The following CHD2 variants were observed in gnomAD, a reference collection of about 807,000 sequenced individuals.
CHD2 encodes the protein ATP-dependent chromatin remodeler CHD2.
CHD2 carries 28 observed loss-of-function variants against 243.9 expected under a neutral mutation model. That is an observed-to-expected ratio of 0.11 (90% CI 0.09 to 0.16). The LOEUF (loss-of-function observed/expected upper bound fraction) is 0.16, where lower values mean the gene tolerates loss of function less well. Ranked by LOEUF, CHD2 falls within the 10% of genes least tolerant of loss-of-function variation. The pLI is 1.00. For missense variants in CHD2, 1,386 were observed against 2,209.8 expected (o/e 0.63, Z 7.47); for synonymous variants, 775 against 779.0 (o/e 0.99, Z 0.09).
chr15:92,974,960 G>A lies in CHD2; in HGVS notation c.2577+10G>A. The A allele has an allele frequency of 6.2e-7, 1 of 1,611,752 alleles. No homozygotes were observed. The highest frequency in any genetic ancestry group is 1.7e-5 in the Admixed American group (1 of 59,870). On this transcript the variant is annotated intron_variant, in intron 20 of 38. Coordinates refer to ENST00000394196, the MANE Select transcript of CHD2 (RefSeq NM_001271.4). Reference sequence around the variant, plus strand: ...TGCAGATGGGTCTGAGGTATACTATGCATGGCTTTGTTATTTGAGCAACTT... The same window carrying A: ...TGCAGATGGGTCTGAGGTATACTATACATGGCTTTGTTATTTGAGCAACTT...
At chr15:92,945,432 C>T (rs1482925095) in intron 10 of CHD2, 1 of 137,398 alleles carries the variant, frequency 7.3e-6, no homozygotes, top group Non-Finnish European at 1.5e-5. Flanking sequence ...TGCTCTGTTG[C>T]CCAGGCTGGA....
At chr15:93,005,120 G>A (rs546599201) in intron 34 of CHD2, among the ~76,000 whole-genome samples, 6 of 152,296 alleles carry the variant, frequency 3.9e-5, no homozygotes, top group Admixed American at 1.3e-4. Flanking sequence ...TTCTATCATC[G>A]TAAACTGTAC....
intron 28 of CHD2, among the ~76,000 whole-genome samples, chr15:92,996,684 A>G (rs1332622666): frequency 6.6e-6 from 1 of 152,222 alleles, no homozygotes; most frequent in Non-Finnish European, 1.5e-5. Context: ...TCATTTGGAA[A>G]CAAAGTAGTA....
At chr15:92,952,841 C>T (rs1162327048) in intron 13 of CHD2, among the ~76,000 whole-genome samples, 1 of 152,186 alleles carries the variant, frequency 6.6e-6, no homozygotes, top group East Asian at 1.9e-4. Flanking sequence ...CTGTAGCCTA[C>T]CCCTGCTTTA....
At position 93,026,821 on chromosome 15, in the gene CHD2, G is replaced by C. The variant is rs1414391111; in HGVS notation, c.*2116G>C. The C allele has an allele frequency of 6.6e-6, 1 of 152,460 alleles. No individual in the cohort carries two copies. The highest frequency in any genetic ancestry group is 2.4e-5 in the African/African-American group (1 of 41,460). The allele number at this position is 152,460 out of a possible 1,614,324, so 9.4% of individuals were successfully genotyped here. ...GGGAGATGGGGTGGGAAGGAGGTGA[G>C]CCCCTGCAGAGAGTTGGGTAGTGTC... On this transcript the variant is annotated 3_prime_UTR_variant, in exon 39 of 39. Coordinates refer to ENST00000394196, the MANE Select transcript of CHD2 (RefSeq NM_001271.4).
At chr15:93,006,067 A>C (rs2054316794) in intron 34 of CHD2, among the ~76,000 whole-genome samples, 1 of 151,868 alleles carries the variant, frequency 6.6e-6, no homozygotes. Flanking sequence ...CAAAATATAA[A>C]GCTGAATCCC....
intron 27 of CHD2, among the ~76,000 whole-genome samples, chr15:92,992,167 A>G (rs2054128127): frequency 6.6e-6 from 1 of 152,206 alleles, no homozygotes; most frequent in Non-Finnish European, 1.5e-5. Flanking sequence ...TGAGTGGGTG[A>G]AAATTACAAG....
intron 20 of CHD2, among the ~76,000 whole-genome samples, chr15:92,976,944 T>C (rs1248927187): frequency 4.6e-5 from 7 of 151,944 alleles, no homozygotes; most frequent in Non-Finnish European, 8.8e-5. Flanking sequence ...ATTTTTCTTA[T>C]GCTTGTACCA....
intron 5 of CHD2, among the ~76,000 whole-genome samples, chr15:92,937,060 C>T (rs1169499943): frequency 2.0e-5 from 3 of 152,076 alleles, no homozygotes; most frequent in African/African-American, 7.2e-5. Context: ...GGAGAGGTGT[C>T]TTGTATTGCT....
intron 8 of CHD2, 81 bp from the exon 9 acceptor site, chr15:92,942,762 T>G: frequency 9.0e-7 from 1 of 1,109,886 alleles, no homozygotes; most frequent in East Asian, 2.5e-5. Context: ...AAAGGGAGTC[T>G]TCAGATAATT....
At chr15:93,008,220 G>C (rs2054346545) in intron 34 of CHD2, among the ~76,000 whole-genome samples, 1 of 152,182 alleles carries the variant, frequency 6.6e-6, no homozygotes, top group South Asian at 2.1e-4. Flanking sequence ...CTGGGTGTGG[G>C]TCATCCTGTG....
intron 34 of CHD2, 73 bp downstream of exon 34, chr15:93,004,824 C>T (rs2054299803): frequency 6.7e-7 from 1 of 1,488,386 alleles, no homozygotes; most frequent in Non-Finnish European, 9.1e-7. Context: ...TTTATAGGTC[C>T]AGCCAGAGCT....
chr15:92,965,060 C>T (rs529964254), intron 16 of CHD2, among the ~76,000 whole-genome samples: 4 of 152,190 alleles, frequency 2.6e-5, no homozygotes, highest in African/African-American at 9.6e-5. Flanking sequence ...CCGTGTTCTG[C>T]AAAGCTATAA....
chr15:92,902,216 TG>T (rs989719302), intron 2 of CHD2: 25 of 397,812 alleles, frequency 6.3e-5, no homozygotes, highest in Admixed American at 4.0e-4. Flanking sequence ...AAAAATGTAC[TG>T]TTTGTGCAAA....
chr15:92,939,059 C>G (rs887771829), intron 6 of CHD2, among the ~76,000 whole-genome samples: 1 of 129,152 alleles, frequency 7.7e-6, no homozygotes, highest in Non-Finnish European at 1.7e-5. Flanking sequence ...TTTTTTTTTT[C>G]TATGAGTACA....
intron 2 of CHD2, chr15:92,902,254 G>A (rs2052539098): frequency 2.5e-6 from 1 of 397,682 alleles, no homozygotes; most frequent in South Asian, 1.3e-4. Context: ...ATTCCTTGGA[G>A]TACCTTGTTA....
At chr15:92,904,551 T>G in intron 2 of CHD2, 2 of 1,006,162 alleles carry the variant, frequency 2.0e-6, no homozygotes, top group Non-Finnish European at 2.4e-6. Context: ...CCTGGACGCG[T>G]TTGCTCCTGG....
intron 2 of CHD2, among the ~76,000 whole-genome samples, chr15:92,913,302 CT>C (rs2052774983): frequency 6.6e-6 from 1 of 152,178 alleles, no homozygotes. Flanking sequence ...GTTTCTTCAT[CT>C]TTTAAAATAG....
chr15:92,914,269 A>T (rs1596371121), intron 2 of CHD2, among the ~76,000 whole-genome samples: 2 of 152,190 alleles, frequency 1.3e-5, no homozygotes. Flanking sequence ...ACTGCTTTTC[A>T]CAGCTTGGTT....
Sources: allele counts gnomAD v4.1 joint callset (sites outside exome capture counted in the v4.1 genomes callset), GRCh38; gene constraint gnomAD v4.1.1; transcripts MANE v1.5; gene names NCBI Gene and HGNC (gene_info 2026-07-23, HGNC 2026-07-21).